Variants in TP63 observed in about 807,000 individuals in gnomAD.
TP63 encodes tumor protein p63, also known as tumor protein 63.
In TP63, 17 loss-of-function variants were observed where a neutral mutation model predicts 82.8. The ratio of observed to expected loss-of-function variants is 0.21; its 90% CI spans 0.14 to 0.31. The LOEUF (loss-of-function observed/expected upper bound fraction) is 0.31. TP63 is among the 10% of genes least tolerant of loss of function. The pLI is 1.00. For missense variants in TP63, 648 were observed against 895.3 expected (o/e 0.72, Z 3.52); for synonymous variants, 330 against 321.7 (o/e 1.03, Z -0.28).
chr3:189,712,156 A>G (rs1718640690), intron 1 of TP63, among the ~76,000 whole-genome samples: 1 of 152,182 alleles, frequency 6.6e-6, no homozygotes, highest in Admixed American at 6.6e-5. Context: ...ACTGAGATAC[A>G]ATAATGCATT....
At chr3:189,743,101 T>C (rs1399598258) in intron 3 of TP63, among the ~76,000 whole-genome samples, 1 of 152,138 alleles carries the variant, frequency 6.6e-6, no homozygotes, top group African/African-American at 2.4e-5. Flanking sequence ...AAAAGCTTAA[T>C]AACCCCAATA....
chr3:189,754,770 C>T (rs1722063773), intron 3 of TP63, among the ~76,000 whole-genome samples: 1 of 152,144 alleles, frequency 6.6e-6, no homozygotes, highest in South Asian at 2.1e-4. Flanking sequence ...CTCTTCTCTT[C>T]CTACGTTGGT....
At chr3:189,805,570 A>T (rs771409123) in intron 3 of TP63, among the ~76,000 whole-genome samples, 10 of 152,246 alleles carry the variant, frequency 6.6e-5, no homozygotes, top group Non-Finnish European at 1.5e-5. Flanking sequence ...ATATGGCACC[A>T]AACACTGTTT....
At chr3:189,753,347 G>C (rs1467531078) in intron 3 of TP63, among the ~76,000 whole-genome samples, 1 of 151,988 alleles carries the variant, frequency 6.6e-6, no homozygotes, top group Non-Finnish European at 1.5e-5. Context: ...TCATATTTAA[G>C]ATTGTTAAGA....
At chr3:189,854,655 G>T (rs1220083040) in intron 4 of TP63, among the ~76,000 whole-genome samples, 1 of 152,188 alleles carries the variant, frequency 6.6e-6, no homozygotes, top group Non-Finnish European at 1.5e-5. Context: ...TGATAGGATA[G>T]AACTGAAAAA....
intron 3 of TP63, among the ~76,000 whole-genome samples, chr3:189,761,747 A>G (rs1722588892): frequency 6.6e-6 from 1 of 152,202 alleles, no homozygotes; most frequent in Non-Finnish European, 1.5e-5. Flanking sequence ...ACTGATATAG[A>G]CATATCCGAG....
At chr3:189,818,108 C>T (rs890112576) in intron 4 of TP63, among the ~76,000 whole-genome samples, 1 of 151,624 alleles carries the variant, frequency 6.6e-6, no homozygotes, top group Non-Finnish European at 1.5e-5. Context: ...ACTGTGTGTT[C>T]ATTTGAGATT....
intron 4 of TP63, among the ~76,000 whole-genome samples, chr3:189,835,777 G>T (rs1713046296): frequency 1.3e-5 from 2 of 152,094 alleles, no homozygotes; most frequent in Non-Finnish European, 1.5e-5. Flanking sequence ...AACTGGCCAT[G>T]GTGGCAGGTG....
chr3:189,662,112 G>T (rs1713936571), intron 1 of TP63, among the ~76,000 whole-genome samples: 1 of 151,750 alleles, frequency 6.6e-6, no homozygotes. Flanking sequence ...CTAATTTTGG[G>T]GTTAGTTTGT....
chr3:189,610,462 C>G, the TP63 span, among the ~76,000 whole-genome samples: 2 of 152,158 alleles, frequency 1.3e-5, no homozygotes, highest in Non-Finnish European at 2.9e-5. Flanking sequence ...CAAAATTCTG[C>G]CAGTCTCCTT....
chr3:189,869,223 T>C, intron 8 of TP63, 101 bp from the exon 9 acceptor site: 1 of 937,408 alleles, frequency 1.1e-6, no homozygotes, highest in Non-Finnish European at 1.7e-6. Flanking sequence ...ATATGTATAT[T>C]AAATCTGATT....
chr3:189,622,672 T>A, the TP63 span, among the ~76,000 whole-genome samples: 1 of 152,222 alleles, frequency 6.6e-6, no homozygotes, highest in Non-Finnish European at 1.5e-5. Context: ...ATTTAATTAA[T>A]GTTATTTCAT....
upstream of TP63, among the ~76,000 whole-genome samples, chr3:189,627,542 A>G (rs2108598085): frequency 6.6e-6 from 1 of 152,342 alleles, no homozygotes; most frequent in East Asian, 1.9e-4. Context: ...GTTGATTAAA[A>G]TTAAGTAAGA....
Position 189,873,482 on chromosome 3 carries a change from A to G in TP63, c.1349+487A>G, listed in dbSNP as rs1055740763. On this transcript the variant is annotated intron_variant, in intron 10 of 13. Coordinates refer to ENST00000264731, the MANE Select transcript of TP63 (RefSeq NM_003722.5). The stretch of plus-strand genomic sequence containing the variant: ...AGTGACTTGTTTGAATGCTGTAATG[A>G]GAAGAATTCTGAGACCTAGTGCATG... 15 of 180,524 alleles carry G rather than the reference A, an allele frequency of 8.3e-5. No homozygotes were observed. The East Asian group carries it at 2.0e-3, about 25-fold the overall frequency. 11.2% of individuals were successfully genotyped at this position (180,524 alleles called of 1,614,324 possible). A position where few individuals can be genotyped will look rare whatever the true frequency, so the allele number is the denominator to read the frequency against.
At chr3:189,790,288 A>G (rs1030998562) in intron 3 of TP63, among the ~76,000 whole-genome samples, 10 of 151,948 alleles carry the variant, frequency 6.6e-5, no homozygotes, top group African/African-American at 2.4e-4. Flanking sequence ...GCTTTTTTCA[A>G]AATAATCAGG....
intron 1 of TP63, among the ~76,000 whole-genome samples, chr3:189,712,757 A>G (rs181989586): frequency 5.9e-5 from 9 of 152,206 alleles, no homozygotes; most frequent in African/African-American, 2.2e-4. Flanking sequence ...TTCAGATTGA[A>G]AGACAGAGTA....
chr3:189,853,989 T>C (rs1451373851), intron 4 of TP63, among the ~76,000 whole-genome samples: 1 of 152,248 alleles, frequency 6.6e-6, no homozygotes, highest in Admixed American at 6.5e-5. Context: ...ATTTATTTTA[T>C]ATTTCAAGTA....
At chr3:189,633,658 G>A (rs1335344405) in intron 1 of TP63, among the ~76,000 whole-genome samples, 1 of 152,078 alleles carries the variant, frequency 6.6e-6, no homozygotes, top group African/African-American at 2.4e-5. Flanking sequence ...TTTGGGGAAG[G>A]CAGGGGAGGG....
chr3:189,699,420 AT>A (rs1717635664), intron 1 of TP63, among the ~76,000 whole-genome samples: 2 of 152,224 alleles, frequency 1.3e-5, no homozygotes, highest in African/African-American at 4.8e-5. Flanking sequence ...ACAATAAGAA[AT>A]TAAAAGTTTG....
Sources: gnomAD v4.1 joint callset for allele counts (sites outside exome capture counted in the v4.1 genomes callset) on GRCh38, gnomAD v4.1.1 for gene constraint, MANE v1.5 for transcripts, NCBI Gene and HGNC (gene_info 2026-07-23, HGNC 2026-07-21) for gene names.